CLN6: variants seen among roughly 807,000 people sequenced by gnomAD.
CLN6 encodes CLN6 transmembrane ER protein, also known as ceroid-lipofuscinosis neuronal protein 6.
CLN6 carries 22 observed loss-of-function variants against 33.3 expected under a neutral mutation model. The observed-to-expected ratio is 0.66, with a 90% confidence interval of 0.47 to 0.94. CLN6 has a LOEUF of 0.94. Ranked by LOEUF, CLN6 falls within the 40% of genes least tolerant of loss-of-function variation. The probability of loss-of-function intolerance (pLI) is 0.00; values close to 1 mark genes in which losing one functional copy is unlikely to be tolerated. For synonymous variants in CLN6, 201 were observed against 174.6 expected, an observed-to-expected ratio of 1.15 and a Z score of -1.19; for missense variants, 387 against 417.1, an observed-to-expected ratio of 0.93 and a Z score of 0.63.
exon 1 of CLN6, chr15:68,257,074 C>A: frequency 2.3e-6 from 1 of 442,610 alleles, no homozygotes; most frequent in Non-Finnish European, 4.0e-6. Context: ...GGCCGCGGGC[C>A]CAAGGGAAAG....
At position 68,242,586 on chromosome 15, in the gene CLN6, A is replaced by C. The variant is rs773341672; in HGVS notation, c.179+14104T>G. On this transcript the variant is annotated intron_variant, in intron 1 of 6. Coordinates refer to the CLN6 transcript ENST00000538696. This position sits in a 1 kb window ranked among gnomAD's most constrained non-coding sequence, Gnocchi z 5.0. ...TAAGGAAAAGAAAAATAAGTGCTTA[A>C]ATAAAATATTTTGTCAGAAAAATAG... Among the ~76,000 whole-genome samples the C allele has an allele frequency of 1.3e-5, 2 of 152,194 alleles. No individual in the cohort carries two copies. The highest frequency in any genetic ancestry group is 2.9e-5 in the Non-Finnish European group (2 of 68,032).
chr15:68,229,588 T>C lies in CLN6; in HGVS notation c.-4A>G. ...GCCGCCTCCGCGTCGCCTCCATGGC[T>C]GCCCCGCAGGCCCCTCGGCCCTGCC... On this transcript the variant is annotated 5_prime_UTR_variant, in exon 1 of 7. Coordinates refer to ENST00000249806, the MANE Select transcript of CLN6 (RefSeq NM_017882.3). 3 of 1,463,314 alleles carry C rather than the reference T, an allele frequency of 2.1e-6. No individual in the cohort carries two copies. Among genetic ancestry groups the C allele is most frequent in the Non-Finnish European group, 2.7e-6 (3 of 1,111,826 alleles). The allele number at this position is 1,463,314 out of a possible 1,614,324, so 90.6% of individuals were successfully genotyped here. A position where few individuals can be genotyped will look rare whatever the true frequency, so the allele number is the denominator to read the frequency against.
Position 68,227,045 on chromosome 15 carries a change from CT to C in CLN6, c.83+2456del, listed in dbSNP as rs1256385648. Reference sequence around the variant, plus strand: ...TACTTTCTTTTCTTTTCTTTTTTTACTTTTTTTTTTTTTTGAGACAGTCTCA... The same window carrying C: ...TACTTTCTTTTCTTTTCTTTTTTTACTTTTTTTTTTTTTGAGACAGTCTCA... On this transcript the variant is annotated intron_variant, in intron 1 of 6. Coordinates refer to ENST00000249806, the MANE Select transcript of CLN6 (RefSeq NM_017882.3). This position sits in a 1 kb window ranked among gnomAD's most constrained non-coding sequence, Gnocchi z 4.1. 1.3e-3 allele frequency among the ~76,000 whole-genome samples: 190 copies of C among 142,834 alleles called. No individual in the cohort carries two copies. The highest frequency in any genetic ancestry group is 1.4e-3 in the Admixed American group (20 of 14,276). 93.7% of individuals were successfully genotyped at this position (142,834 alleles called of 152,430 possible).
At chr15:68,255,326 T>C (rs578212533) in intron 1 of CLN6, among the ~76,000 whole-genome samples, 4 of 152,292 alleles carry the variant, frequency 2.6e-5, no homozygotes, top group African/African-American at 9.6e-5. Flanking sequence ...AATAATTGGT[T>C]ACTGGTGTGT....
chr15:68,218,562 G>A lies in CLN6; in HGVS notation c.172C>T (p.Leu58=). Residue 58 remains leucine (L), a synonymous_variant, in exon 2 of 7, where the codon CTG becomes TTG. Transcript: ENST00000249806. ...ATGGCAATGGGACGCCCAAAGTCCAGAACCCAGTTCTGCAGTGTGAAGTAG... is the reference window on the plus strand; with the variant it reads ...ATGGCAATGGGACGCCCAAAGTCCAAAACCCAGTTCTGCAGTGTGAAGTAG... The part of the protein sequence containing the change: ...WFYFTLQNWV[L]DFGRPIAMLV... The A allele has an allele frequency of 6.2e-7, 1 of 1,613,894 alleles. No individual in the cohort carries two copies.
chr15:68,233,173 C>T (rs1213523876), upstream of CLN6, among the ~76,000 whole-genome samples: 2 of 152,202 alleles, frequency 1.3e-5, no homozygotes, highest in Admixed American at 6.5e-5. The surrounding 1 kb of genome is among the most constrained non-coding windows in gnomAD (Gnocchi z 4.3). Context: ...CCCTTGTCCT[C>T]ACTTCCCCTT....
At position 68,211,023 on chromosome 15, in the gene CLN6, G is replaced by A. The variant is rs1425245900; in HGVS notation, c.542+240C>T. Among the ~76,000 whole-genome samples the A allele has an allele frequency of 2.0e-5, 3 of 152,210 alleles. No individual in the cohort carries two copies. Among genetic ancestry groups the A allele is most frequent in the African/African-American group, 7.2e-5 (3 of 41,466 alleles). On this transcript the variant is annotated intron_variant, in intron 5 of 6. Coordinates refer to ENST00000249806, the MANE Select transcript of CLN6 (RefSeq NM_017882.3). This position sits in a 1 kb window ranked among gnomAD's most constrained non-coding sequence, Gnocchi z 5.9. Reference sequence around the variant, plus strand: ...GCACTGAGGGCTGGGCGGGGGTGGCGATGCTGGGGGGATGCTGGCTGGAAG... The same window carrying A: ...GCACTGAGGGCTGGGCGGGGGTGGCAATGCTGGGGGGATGCTGGCTGGAAG...
chr15:68,232,226 C>T (rs1353701462), upstream of CLN6, among the ~76,000 whole-genome samples: 4 of 150,532 alleles, frequency 2.7e-5, no homozygotes, highest in Non-Finnish European at 4.4e-5. This position sits in a 1 kb window ranked among gnomAD's most constrained non-coding sequence, Gnocchi z 4.7. Flanking sequence ...GGCACGATCT[C>T]GGCTTGCTGC....
At chr15:68,245,625 G>GT (rs1892323178) in intron 1 of CLN6, among the ~76,000 whole-genome samples, 1 of 152,058 alleles carries the variant, frequency 6.6e-6, no homozygotes. Flanking sequence ...AATGGCAGTA[G>GT]TAAGTCCTTA....
chr15:68,226,394 C>A (rs2093252050), intron 1 of CLN6, among the ~76,000 whole-genome samples: 1 of 151,752 alleles, frequency 6.6e-6, no homozygotes, highest in African/African-American at 2.4e-5. Context: ...CTAACCAGAT[C>A]TTGAGCAAGT....
At chr15:68,238,911 T>C (rs1384607420) in intron 1 of CLN6, among the ~76,000 whole-genome samples, 2 of 152,202 alleles carry the variant, frequency 1.3e-5, no homozygotes, top group Non-Finnish European at 2.9e-5. Context: ...GTATAATTTG[T>C]GGGGTTAAAA....
chr15:68,233,043 A>T (rs910085042), upstream of CLN6, among the ~76,000 whole-genome samples: 4 of 152,144 alleles, frequency 2.6e-5, no homozygotes, highest in Non-Finnish European at 4.4e-5. This position sits in a 1 kb window ranked among gnomAD's most constrained non-coding sequence, Gnocchi z 4.3. Context: ...GCTCAGTCTC[A>T]AAATAAATAA....
intron 3 of CLN6, 140 bp from the exon 4 acceptor site, chr15:68,212,003 C>T: frequency 1.3e-6 from 1 of 796,290 alleles, no homozygotes; most frequent in Non-Finnish European, 2.0e-6. Context: ...GTCCCTTTAG[C>T]AGGCCAGCCC....
chr15:68,238,789 T>C (rs8041498), intron 1 of CLN6, among the ~76,000 whole-genome samples: 8,403 of 152,242 alleles, frequency 0.055, 756 homozygotes, highest in African/African-American at 0.19. Flanking sequence ...TTTCTAAAAA[T>C]ATATAACTTA....
At chr15:68,234,689 C>T (rs991233314), upstream of CLN6, among the ~76,000 whole-genome samples, 1 of 152,174 alleles carries the variant, frequency 6.6e-6, no homozygotes, top group African/African-American at 2.4e-5. The surrounding 1 kb of genome is among the most constrained non-coding windows in gnomAD (Gnocchi z 4.1). Flanking sequence ...TTTTCCTTAT[C>T]ATTTCTTTTT....
Position 68,219,906 on chromosome 15 carries a change from A to G in CLN6, c.84-1256T>C, listed in dbSNP as rs559491552. On this transcript the variant is annotated intron_variant, in intron 1 of 6. Transcript: ENST00000249806. This position sits in a 1 kb window ranked among gnomAD's most constrained non-coding sequence, Gnocchi z 4.2. ...AAATCTGTATTCCTCCAGAGTTCTG[A>G]GCTCAGGCCCTGGTCCATGCTCAGC... is the stretch of plus-strand genomic sequence containing the variant. Among the ~76,000 whole-genome samples the G allele has an allele frequency of 6.6e-6, 1 of 152,204 alleles. No homozygotes were observed. Among genetic ancestry groups the G allele is most frequent in the Non-Finnish European group, 1.5e-5 (1 of 68,044 alleles).
At chr15:68,212,075 G>T (rs1026751143) in intron 3 of CLN6, 3 of 593,482 alleles carry the variant, frequency 5.1e-6, no homozygotes, top group Non-Finnish European at 9.0e-6. Context: ...AGCACCCCCC[G>T]CTGACTTTAC....
At position 68,211,095 on chromosome 15, in the gene CLN6, C is replaced by G. The variant is rs1306162815; in HGVS notation, c.542+168G>C. Among the ~76,000 whole-genome samples the G allele has an allele frequency of 6.6e-5, 10 of 152,124 alleles. No individual in the cohort carries two copies. The highest frequency in any genetic ancestry group is 1.2e-4 in the Non-Finnish European group (8 of 68,012). ...AGCAGCTGGGTCTCCCGGGCAACCTCGGGGACAACTTCACTGGAGGTTGAG... is the reference window on the plus strand; with the variant it reads ...AGCAGCTGGGTCTCCCGGGCAACCTGGGGGACAACTTCACTGGAGGTTGAG... On this transcript the variant is annotated intron_variant, in intron 5 of 6. Transcript: ENST00000249806. This position sits in a 1 kb window ranked among gnomAD's most constrained non-coding sequence, Gnocchi z 5.9.
Position 68,256,438 on chromosome 15 carries a change from G to A in CLN6, c.179+252C>T, listed in dbSNP as rs1161399269. ...TTCCCTTTTTTAAATGTGGTTACTA[G>A]AAAATGTAAAATTACATATGTGGCT... is the stretch of plus-strand genomic sequence containing the variant. On this transcript the variant is annotated intron_variant, in intron 1 of 6. Transcript: ENST00000538696. This position sits in a 1 kb window ranked among gnomAD's most constrained non-coding sequence, Gnocchi z 4.1. 1.3e-5 allele frequency among the ~76,000 whole-genome samples: 2 copies of A among 152,162 alleles called. No homozygotes were observed. Among genetic ancestry groups the A allele is most frequent in the African/African-American group, 2.4e-5 (1 of 41,430 alleles).
Sources: allele counts gnomAD v4.1 joint callset (sites outside exome capture counted in the v4.1 genomes callset), GRCh38; gene constraint gnomAD v4.1.1; non-coding constraint Gnocchi (gnomAD v3.1); transcripts MANE v1.5; gene names NCBI Gene and HGNC (gene_info 2026-07-23, HGNC 2026-07-21).